Variants in ODAD2 observed in about 807,000 individuals in gnomAD.
ODAD2 encodes the protein outer dynein arm-docking complex subunit 2.
ODAD2 carries 89 observed loss-of-function variants against 106.8 expected under a neutral mutation model. The ratio of observed to expected loss-of-function variants is 0.83; its 90% CI spans 0.70 to 0.99. The LOEUF (loss-of-function observed/expected upper bound fraction) is 0.99. Ranked by LOEUF, ODAD2 falls within the 50% of genes least tolerant of loss-of-function variation. The pLI is 0.00. For synonymous variants in ODAD2, 404 were observed against 436.2 expected, an observed-to-expected ratio of 0.93 and a Z score of 0.92; for missense variants, 1,168 against 1,238.5, an observed-to-expected ratio of 0.94 and a Z score of 0.85.
At chr10:27,910,442 T>C (rs1306862279) in intron 16 of ODAD2, among the ~76,000 whole-genome samples, 2 of 152,036 alleles carry the variant, frequency 1.3e-5, no homozygotes, top group Non-Finnish European at 2.9e-5. Context: ...AAACACTAAG[T>C]ACTAGGCATA....
intron 19 of ODAD2, among the ~76,000 whole-genome samples, chr10:27,838,663 C>A (rs1838082089): frequency 1.3e-5 from 2 of 152,184 alleles, no homozygotes; most frequent in South Asian, 4.1e-4. Context: ...ATAGCATCTG[C>A]CAGATTCCTC....
chr10:27,924,704 G>T (rs984146793), intron 16 of ODAD2, among the ~76,000 whole-genome samples: 1 of 144,716 alleles, frequency 6.9e-6, no homozygotes, highest in African/African-American at 2.6e-5. Flanking sequence ...ATTGAACCAG[G>T]AAAATTTAAA....
chr10:27,992,834 T>C (rs1459083937), intron 2 of ODAD2, among the ~76,000 whole-genome samples: 2 of 152,240 alleles, frequency 1.3e-5, no homozygotes, highest in Non-Finnish European at 1.5e-5. Flanking sequence ...TGATCACGTT[T>C]GTGCTTGGAG....
rs781094685 is a variant in ODAD2, at chr10:27,940,624, T to C, written c.1925A>G (p.Lys642Arg). The change falls in exon 13 of 20, where the codon AAG becomes AGG. Residue 642 changes from lysine (K) to arginine (R), a missense_variant. By Grantham distance (26) the Lys-to-Arg change is conservative. Transcript: ENST00000305242. ...AATTAGCATGTTTTCATGAGAAGTC[T>C]TCAGCAGCCGAGCCAACAGAGGAAT... The part of the protein sequence containing the change: ...GGIPLLARLL[K>R]TSHENMLIPV... The C allele has an allele frequency of 1.4e-5, 22 of 1,614,034 alleles. No homozygotes were observed. The highest frequency in any genetic ancestry group is 1.6e-4 in the Middle Eastern group (1 of 6,084).
intron 16 of ODAD2, among the ~76,000 whole-genome samples, chr10:27,923,359 CCAAA>C (rs1334330103): frequency 2.0e-5 from 3 of 151,978 alleles, no homozygotes; most frequent in Admixed American, 6.6e-5. Flanking sequence ...TATTCTGTTA[CCAAA>C]CAAAGTAGAA....
chr10:27,844,783 T>C (rs914654995), intron 19 of ODAD2, among the ~76,000 whole-genome samples: 6 of 152,224 alleles, frequency 3.9e-5, no homozygotes, highest in African/African-American at 4.8e-5. Context: ...TCTTTTACTA[T>C]ACTTAGCTTT....
intron 16 of ODAD2, among the ~76,000 whole-genome samples, chr10:27,919,112 A>G (rs1310382485): frequency 1.3e-5 from 2 of 151,962 alleles, no homozygotes; most frequent in African/African-American, 2.4e-5. Flanking sequence ...TAAGATTTCC[A>G]TTTTCCTTAA....
intron 7 of ODAD2, among the ~76,000 whole-genome samples, chr10:27,972,512 C>T (rs186353406): frequency 5.9e-4 from 90 of 152,224 alleles, no homozygotes; most frequent in African/African-American, 2.1e-3. Context: ...GGAGACCTAA[C>T]TATTTGTGGC....
chr10:27,855,030 G>T (rs1038261740), intron 19 of ODAD2, among the ~76,000 whole-genome samples: 1 of 152,118 alleles, frequency 6.6e-6, no homozygotes, highest in African/African-American at 2.4e-5. Context: ...AGGAGACAGG[G>T]ATTATGTAAG....
At chr10:27,881,487 A>C (rs1018008849) in intron 17 of ODAD2, among the ~76,000 whole-genome samples, 1 of 152,048 alleles carries the variant, frequency 6.6e-6, no homozygotes, top group African/African-American at 2.4e-5. Flanking sequence ...AAAATTAAAA[A>C]TTAACTGGGC....
At chr10:27,897,983 T>C (rs926680174) in intron 17 of ODAD2, among the ~76,000 whole-genome samples, 1 of 152,036 alleles carries the variant, frequency 6.6e-6, no homozygotes, top group African/African-American at 2.4e-5. Context: ...CATGTGAGAA[T>C]AATGAATATG....
At chr10:27,839,548 G>T (rs1203787144) in intron 19 of ODAD2, among the ~76,000 whole-genome samples, 1 of 152,082 alleles carries the variant, frequency 6.6e-6, no homozygotes, top group Non-Finnish European at 1.5e-5. Context: ...ACAGTGACTT[G>T]GAAATATTAT....
intron 10 of ODAD2, among the ~76,000 whole-genome samples, chr10:27,956,439 C>A (rs1453750095): frequency 6.6e-6 from 1 of 152,100 alleles, no homozygotes; most frequent in Non-Finnish European, 1.5e-5. Context: ...GGAATAAGAC[C>A]GCCTGGATGA....
chr10:27,963,012 T>G (rs1297092176), intron 9 of ODAD2, among the ~76,000 whole-genome samples: 1 of 123,900 alleles, frequency 8.1e-6, no homozygotes, highest in African/African-American at 3.1e-5. Context: ...CCCTGTGTAC[T>G]TTTTTTTTTT....
chr10:27,884,500 C>T (rs529100573), intron 17 of ODAD2, among the ~76,000 whole-genome samples: 9 of 152,184 alleles, frequency 5.9e-5, no homozygotes, highest in Non-Finnish European at 7.4e-5. Flanking sequence ...TTCCTTCAGC[C>T]GGAAGGACCA....
intron 10 of ODAD2, among the ~76,000 whole-genome samples, chr10:27,950,120 T>C (rs1201654924): frequency 6.6e-6 from 1 of 152,178 alleles, no homozygotes; most frequent in Admixed American, 6.5e-5. Flanking sequence ...CACTATCACA[T>C]GGCCATCCAG....
intron 19 of ODAD2, among the ~76,000 whole-genome samples, chr10:27,858,803 A>ATT (rs9299592): frequency 0.52 from 66,343 of 128,660 alleles, 19,709 homozygotes; most frequent in Middle Eastern, 0.65. Context: ...ACCTTAGTAC[A>ATT]TTTTTTTTTT....
At chr10:27,952,151 C>T (rs1487957753) in intron 10 of ODAD2, among the ~76,000 whole-genome samples, 2 of 146,796 alleles carry the variant, frequency 1.4e-5, no homozygotes, top group East Asian at 2.0e-4. Context: ...GATTAATTTG[C>T]ATCATCAAGA....
chr10:27,987,480 T>A lies in ODAD2; in HGVS notation c.288A>T (p.Val96=), dbSNP rs746625384. 6.2e-7 allele frequency: 1 copy of A among 1,613,794 alleles called. No homozygotes were observed. The highest frequency in any genetic ancestry group is 1.1e-5 in the South Asian group (1 of 91,026). Residue 96 remains valine (V), a synonymous_variant, in exon 3 of 20, where the codon GTA becomes GTT. Transcript: ENST00000305242. ...KNGQPLLFLS[V]PQIKIRSFGQ... is the part of the protein sequence containing the mutation. ...CAAAGCTCCTAATTTTAATTTGTGG[T>A]ACAGAGAGAAATAGCAAAGGCTGTC...
Sources: allele counts gnomAD v4.1 joint callset (sites outside exome capture counted in the v4.1 genomes callset), GRCh38; gene constraint gnomAD v4.1.1; transcripts MANE v1.5; gene names NCBI Gene and HGNC (gene_info 2026-07-23, HGNC 2026-07-21).